The following PEX5L variants were observed in gnomAD, a reference collection of about 807,000 sequenced individuals.
PEX5L encodes peroxisomal biogenesis factor 5 like.
In PEX5L, 30 loss-of-function variants were observed where a neutral mutation model predicts 84.0. The ratio of observed to expected loss-of-function variants is 0.36; its 90% CI spans 0.27 to 0.48. The LOEUF is 0.48. Ranked by LOEUF, PEX5L falls within the 20% of genes least tolerant of loss-of-function variation. PEX5L has a pLI of 0.99. For missense variants in PEX5L, 533 were observed against 754.6 expected (o/e 0.71, Z 3.44); for synonymous variants, 270 against 283.1 (o/e 0.95, Z 0.46).
Position 179,798,604 on chromosome 3 carries a change from A to C in PEX5L, c.*3224T>G, listed in dbSNP as rs1717932363. ...CCTGTATGTAACTGAAGTCACCCGT[A>C]TGTAGCCATTCTAGTAAGAATACCC... is the stretch of plus-strand genomic sequence containing the variant. On this transcript the variant is annotated 3_prime_UTR_variant, in exon 15 of 15. Coordinates refer to ENST00000467460, the MANE Select transcript of PEX5L (RefSeq NM_016559.3). 6.6e-6 allele frequency: 1 copy of C among 152,190 alleles called. No individual in the cohort carries two copies. The highest frequency in any genetic ancestry group is 1.5e-5 in the Non-Finnish European group (1 of 68,040). 9.4% of individuals were successfully genotyped at this position (152,190 alleles called of 1,614,324 possible).
rs549152335 is a variant in PEX5L at position 179,797,523 on chromosome 3, A to G, written c.*4305T>C. On this transcript the variant is annotated 3_prime_UTR_variant, in exon 15 of 15. Transcript: ENST00000467460. ...GCAATATTTTTGTACCTGAGGTTAT[A>G]CGTTTTGCTTTTAAAAAATTGCTTT... is the stretch of plus-strand genomic sequence containing the variant. 2.0e-4 allele frequency: 30 copies of G among 150,486 alleles called. No individual in the cohort carries two copies. The South Asian group carries it at 5.7e-3, about 28-fold the overall frequency. 9.3% of individuals were successfully genotyped at this position (150,486 alleles called of 1,614,324 possible).
intron 1 of PEX5L, among the ~76,000 whole-genome samples, chr3:180,027,983 A>G (rs539344595): frequency 2.6e-5 from 4 of 152,310 alleles, no homozygotes; most frequent in Admixed American, 2.0e-4. Context: ...TCAGAGCATC[A>G]TGTCCAGAGG....
intron 3 of PEX5L, among the ~76,000 whole-genome samples, chr3:179,894,554 G>T (rs937263869): frequency 1.3e-5 from 2 of 152,044 alleles, no homozygotes; most frequent in Non-Finnish European, 2.9e-5. Flanking sequence ...CACAGCTTGG[G>T]TAGTGCTAAC....
chr3:179,820,029 C>T, intron 8 of PEX5L, 53 bp from the exon 9 acceptor site: 1 of 1,610,692 alleles, frequency 6.2e-7, no homozygotes. Context: ...GCCACATCAT[C>T]TGTGTTTTTC....
intron 8 of PEX5L, among the ~76,000 whole-genome samples, chr3:179,825,952 A>G (rs1229782492): frequency 6.6e-6 from 1 of 152,242 alleles, no homozygotes; most frequent in Non-Finnish European, 1.5e-5. Flanking sequence ...TGTGTGGTTC[A>G]GAAGTATGGC....
chr3:179,806,436 G>A (rs905933527), intron 14 of PEX5L, among the ~76,000 whole-genome samples: 2 of 152,172 alleles, frequency 1.3e-5, no homozygotes. Flanking sequence ...TTTGATCTGA[G>A]AAAATTCTCT....
chr3:179,909,693 AG>A (rs1309424631), intron 2 of PEX5L, among the ~76,000 whole-genome samples: 3 of 152,318 alleles, frequency 2.0e-5, no homozygotes, highest in Admixed American at 1.3e-4. Flanking sequence ...GTTTGGAAAC[AG>A]GGTTGTTAAA....
intron 1 of PEX5L, among the ~76,000 whole-genome samples, chr3:180,019,452 C>T (rs1477497891): frequency 6.6e-6 from 1 of 152,088 alleles, no homozygotes; most frequent in Non-Finnish European, 1.5e-5. Flanking sequence ...GAATTTTAGC[C>T]TCTGGTTTCT....
chr3:179,801,756 A>G lies in PEX5L; in HGVS notation c.*72T>C. 1 of 1,001,098 alleles carries G rather than the reference A, an allele frequency of 1.0e-6. No individual in the cohort carries two copies. Among genetic ancestry groups the G allele is most frequent in the South Asian group, 1.3e-5 (1 of 76,530 alleles). 62.0% of individuals were successfully genotyped at this position (1,001,098 alleles called of 1,614,324 possible). On this transcript the variant is annotated 3_prime_UTR_variant, in exon 15 of 15. Coordinates refer to ENST00000467460, the MANE Select transcript of PEX5L (RefSeq NM_016559.3). ...TTTGATTTATCCTTTTGAAATTCAT[A>G]ATAAAATAGTTTTTGATTTTTCAGT...
chr3:179,855,556 C>T (rs1056550246), intron 8 of PEX5L, among the ~76,000 whole-genome samples: 3 of 152,170 alleles, frequency 2.0e-5, no homozygotes, highest in African/African-American at 4.8e-5. Context: ...AATCCAGCCA[C>T]CCAAGAATAA....
intron 5 of PEX5L, 93 bp downstream of exon 5, chr3:179,879,835 TG>T: frequency 1.2e-6 from 1 of 849,910 alleles, no homozygotes; most frequent in Non-Finnish European, 1.8e-6. Context: ...TCTACTCCTT[TG>T]TTCTCTGTTT....
At chr3:179,838,427 T>C (rs1289256016) in intron 8 of PEX5L, among the ~76,000 whole-genome samples, 2 of 152,234 alleles carry the variant, frequency 1.3e-5, no homozygotes, top group Non-Finnish European at 2.9e-5. Flanking sequence ...ACCTTTACTA[T>C]AGCTTCTCTT....
intron 2 of PEX5L, chr3:179,901,846 C>T (rs992463169): frequency 6.6e-6 from 1 of 152,114 alleles, no homozygotes; most frequent in Non-Finnish European, 1.5e-5. Context: ...ATGGATGAAA[C>T]ACAGGGAGTC....
At chr3:179,905,415 G>A (rs1762823135) in intron 2 of PEX5L, among the ~76,000 whole-genome samples, 1 of 152,134 alleles carries the variant, frequency 6.6e-6, no homozygotes, top group Non-Finnish European at 1.5e-5. Context: ...TGGAACTACA[G>A]GCGCCCGCCA....
Position 180,036,906 on chromosome 3 carries a change from C to A in PEX5L, c.-307G>T. On this transcript the variant is annotated 5_prime_UTR_variant, in exon 1 of 15. Coordinates refer to ENST00000467460, the MANE Select transcript of PEX5L (RefSeq NM_016559.3). ...GCTCGCGGGGCGTCTCTAGAACTCACTCCTTCTTCGCCGAACTCTTTCTCG... is the reference window on the plus strand; with the variant it reads ...GCTCGCGGGGCGTCTCTAGAACTCAATCCTTCTTCGCCGAACTCTTTCTCG... 1 of 441,646 alleles carries A rather than the reference C, an allele frequency of 2.3e-6. No individual in the cohort carries two copies. Among genetic ancestry groups the A allele is most frequent in the South Asian group, 3.1e-5 (1 of 32,322 alleles). The allele number at this position is 441,646 out of a possible 1,614,324, so 27.4% of individuals were successfully genotyped here.
intron 1 of PEX5L, among the ~76,000 whole-genome samples, chr3:180,008,540 T>C (rs1405904078): frequency 6.6e-6 from 1 of 152,188 alleles, no homozygotes; most frequent in African/African-American, 2.4e-5. Context: ...ACTTACTGTA[T>C]TAGTTCGTTT....
At chr3:179,956,734 G>A (rs576556830) in intron 2 of PEX5L, among the ~76,000 whole-genome samples, 37 of 152,294 alleles carry the variant, frequency 2.4e-4, no homozygotes, top group Non-Finnish European at 3.8e-4. Flanking sequence ...ATAGAATATA[G>A]TTTAAACCTG....
At chr3:179,897,353 T>A (rs573270824) in intron 3 of PEX5L, among the ~76,000 whole-genome samples, 1 of 152,296 alleles carries the variant, frequency 6.6e-6, no homozygotes, top group East Asian at 1.9e-4. Context: ...TTTGCGATTT[T>A]AAAACTGGTA....
chr3:179,843,310 C>A (rs1738009008), intron 8 of PEX5L, among the ~76,000 whole-genome samples: 1 of 152,154 alleles, frequency 6.6e-6, no homozygotes, highest in African/African-American at 2.4e-5. Flanking sequence ...ACAACCAGGA[C>A]CCAACTAAAT....
Sources: gnomAD v4.1 joint callset for allele counts (sites outside exome capture counted in the v4.1 genomes callset) on GRCh38, gnomAD v4.1.1 for gene constraint, MANE v1.5 for transcripts, NCBI Gene and HGNC (gene_info 2026-07-23, HGNC 2026-07-21) for gene names.